RIMS1: variants seen among roughly 807,000 people sequenced by gnomAD.
RIMS1 encodes the protein regulating synaptic membrane exocytosis 1.
A neutral mutation model predicts 214.1 loss-of-function variants in RIMS1; 83 were observed. That is an observed-to-expected ratio of 0.39 (90% CI 0.32 to 0.47). The LOEUF is 0.47. Ranked by LOEUF, RIMS1 falls within the 20% of genes least tolerant of loss-of-function variation. The probability of loss-of-function intolerance (pLI) is 0.99; values close to 1 mark genes in which losing one functional copy is unlikely to be tolerated. For synonymous variants in RIMS1, 793 were observed against 786.8 expected, an observed-to-expected ratio of 1.01 and a Z score of -0.13; for missense variants, 2,050 against 2,161.8, an observed-to-expected ratio of 0.95 and a Z score of 1.03.
chr6:72,394,554 G>A (rs1018568671), intron 31 of RIMS1, among the ~76,000 whole-genome samples: 1 of 151,974 alleles, frequency 6.6e-6, no homozygotes. Flanking sequence ...TTAGAAATAA[G>A]GAGGCAAATT....
intron 1 of RIMS1, among the ~76,000 whole-genome samples, chr6:71,962,095 A>C (rs1328913419): frequency 6.6e-6 from 1 of 152,170 alleles, no homozygotes; most frequent in Non-Finnish European, 1.5e-5. Context: ...TGAGAAACTT[A>C]TAGAATCAAG....
At chr6:72,258,423 T>A in intron 17 of RIMS1, 142 bp downstream of exon 17, 4 of 888,116 alleles carry the variant, frequency 4.5e-6, no homozygotes, top group South Asian at 4.3e-5. Flanking sequence ...AAATTTTTTT[T>A]ATTCTTTATC....
intron 9 of RIMS1, among the ~76,000 whole-genome samples, chr6:72,239,285 G>T (rs1275249120): frequency 2.6e-5 from 4 of 152,078 alleles, no homozygotes; most frequent in East Asian, 1.9e-4. Context: ...AAGAAGAGGG[G>T]TGTTCTATAT....
intron 22 of RIMS1, among the ~76,000 whole-genome samples, chr6:72,274,121 G>A (rs960802100): frequency 3.3e-5 from 5 of 152,024 alleles, no homozygotes; most frequent in African/African-American, 4.8e-5. Flanking sequence ...ACATCTTCCC[G>A]AATAAATTGT....
intron 6 of RIMS1, chr6:72,216,953 G>T: frequency 7.4e-7 from 1 of 1,351,212 alleles, no homozygotes; most frequent in Non-Finnish European, 9.5e-7. Context: ...TCACTGCAGA[G>T]ATCTGTTTTG....
At chr6:72,186,104 G>C (rs2049057804) in intron 6 of RIMS1, among the ~76,000 whole-genome samples, 1 of 152,210 alleles carries the variant, frequency 6.6e-6, no homozygotes, top group Non-Finnish European at 1.5e-5. Flanking sequence ...TAAACAGTAG[G>C]TTCCTGTCAA....
At chr6:72,314,574 A>G (rs1209083283) in intron 28 of RIMS1, among the ~76,000 whole-genome samples, 3 of 152,148 alleles carry the variant, frequency 2.0e-5, no homozygotes, top group Non-Finnish European at 2.9e-5. Flanking sequence ...AACATGAGCA[A>G]TTTCAACTGA....
intron 1 of RIMS1, among the ~76,000 whole-genome samples, chr6:71,907,666 T>C (rs1775656713): frequency 6.6e-6 from 1 of 152,138 alleles, no homozygotes. Flanking sequence ...AATAATCCAA[T>C]GTGTAATAAA....
At chr6:72,335,013 TTGTTTAAATTTTTTA>T (rs1197704268) in intron 29 of RIMS1, among the ~76,000 whole-genome samples, 1 of 151,912 alleles carries the variant, frequency 6.6e-6, no homozygotes, top group Non-Finnish European at 1.5e-5. Context: ...GTTGTTTCTT[TTGTTTAAATTTTTTA>T]TGGTGGTGCT....
At chr6:72,005,705 G>C (rs568987545) in intron 2 of RIMS1, among the ~76,000 whole-genome samples, 87 of 152,256 alleles carry the variant, frequency 5.7e-4, no homozygotes, top group African/African-American at 1.9e-3. Context: ...AACAGTATTT[G>C]CTTATTCAAC....
intron 24 of RIMS1, among the ~76,000 whole-genome samples, chr6:72,285,660 C>T (rs1490008858): frequency 6.6e-6 from 1 of 152,060 alleles, no homozygotes; most frequent in Admixed American, 6.6e-5. Flanking sequence ...ATTGATCAAT[C>T]GATAGATAGA....
At chr6:72,085,594 T>C (rs932523000) in intron 2 of RIMS1, among the ~76,000 whole-genome samples, 3 of 152,146 alleles carry the variant, frequency 2.0e-5, no homozygotes, top group Non-Finnish European at 4.4e-5. Flanking sequence ...AAAATTGCCT[T>C]CATTTTCAAG....
rs1025884547 is a variant in RIMS1, at chr6:72,266,440, T to C, written c.3398+391T>C. On this transcript the variant is annotated intron_variant, in intron 22 of 33. Coordinates refer to ENST00000521978, the MANE Select transcript of RIMS1 (RefSeq NM_014989.7). Reference sequence around the variant, plus strand: ...CTTTCCTCTTAGTACCACTGATAAATAGTATTTATAGGTTTAACAACAATC... The same window carrying C: ...CTTTCCTCTTAGTACCACTGATAAACAGTATTTATAGGTTTAACAACAATC... The C allele has an allele frequency of 1.2e-5, 3 of 243,332 alleles. No homozygotes were observed. The Admixed American group carries it at 1.5e-4, about 12-fold the overall frequency. 15.1% of individuals were successfully genotyped at this position (243,332 alleles called of 1,614,324 possible).
intron 5 of RIMS1, among the ~76,000 whole-genome samples, chr6:72,180,232 TAA>T (rs1227384966): frequency 6.6e-6 from 1 of 152,176 alleles, no homozygotes; most frequent in African/African-American, 2.4e-5. Context: ...GCCCTTTAAT[TAA>T]AAGTGTGCTC....
At chr6:72,224,705 C>T (rs779629150) in intron 6 of RIMS1, among the ~76,000 whole-genome samples, 11 of 152,306 alleles carry the variant, frequency 7.2e-5, no homozygotes, top group Non-Finnish European at 1.2e-4. Flanking sequence ...CATGTATATA[C>T]AATCTATATG....
At chr6:72,333,305 G>A (rs1044280762) in intron 28 of RIMS1, among the ~76,000 whole-genome samples, 1 of 151,686 alleles carries the variant, frequency 6.6e-6, no homozygotes, top group Non-Finnish European at 1.5e-5. Context: ...TACAAAATTG[G>A]TCAGTAACAT....
rs200716667 is a variant in RIMS1, at chr6:72,247,920, A to ATTATGGTT, written c.2129-90_2129-83dup. On this transcript the variant is annotated intron_variant, in intron 11 of 33. Coordinates refer to ENST00000521978, the MANE Select transcript of RIMS1 (RefSeq NM_014989.7). ...GTAGGTTCTGTTATCAGTGATAGTA[A>ATTATGGTT]TTATGGTTTTATACAAATAAAGGAT... 1.9e-3 allele frequency: 1,550 copies of ATTATGGTT among 797,868 alleles called. 10 individuals are homozygous for ATTATGGTT. In the African/African-American group the frequency reaches 0.023, roughly 12 times the overall value. 49.4% of individuals were successfully genotyped at this position (797,868 alleles called of 1,614,324 possible).
chr6:72,006,531 A>T (rs755255885), intron 2 of RIMS1, among the ~76,000 whole-genome samples: 2 of 152,136 alleles, frequency 1.3e-5, no homozygotes, highest in Non-Finnish European at 2.9e-5. Flanking sequence ...AAGGCGAGGC[A>T]TTGCCTCACC....
chr6:72,216,414 C>A, intron 6 of RIMS1: 1 of 984,274 alleles, frequency 1.0e-6, no homozygotes, highest in African/African-American at 1.7e-5. Flanking sequence ...TGGAGATGAG[C>A]CACCGTTAGC....
Sources: allele counts gnomAD v4.1 joint callset (sites outside exome capture counted in the v4.1 genomes callset), GRCh38; gene constraint gnomAD v4.1.1; transcripts MANE v1.5; gene names NCBI Gene and HGNC (gene_info 2026-07-23, HGNC 2026-07-21).